Variants in SATL1 observed in about 807,000 individuals in gnomAD.
The protein encoded by SATL1 is spermidine/spermine N(1)-acetyltransferase-like protein 1.
In SATL1, 47 loss-of-function variants were observed where a neutral mutation model predicts 51.8. The observed-to-expected ratio is 0.91, with a 90% CI of 0.72 to 1.16. The LOEUF (loss-of-function observed/expected upper bound fraction) is 1.16, where lower values mean the gene tolerates loss of function less well. SATL1 is among the 50% of genes most tolerant of loss of function. SATL1 has a pLI of 0.00. For synonymous variants in SATL1, 176 were observed against 182.4 expected (o/e 0.97, Z 0.28); for missense variants, 520 against 526.4 (o/e 0.99, Z 0.12).
At chrX:85,096,184 A>G (rs923363885) in intron 4 of SATL1, among the ~76,000 whole-genome samples, 1 of 111,539 alleles carries the variant, frequency 9.0e-6, no homozygotes, top group African/African-American at 3.3e-5. Context: ...ATATATGTAA[A>G]CAAAATAATA....
At position 85,180,189 on chromosome X, in the gene SATL1, C is replaced by T. The variant is rs181413932; in HGVS notation, c.-313+44016G>A. Among the ~76,000 whole-genome samples, 4 of 111,341 alleles carry T rather than the reference C, an allele frequency of 3.6e-5. No individual in the cohort carries two copies. The Admixed American group carries it at 3.8e-4, about 11-fold the overall frequency. On this transcript the variant is annotated intron_variant, in intron 2 of 7. Coordinates refer to ENST00000644105, the MANE Select transcript of SATL1 (RefSeq NM_001367857.2). ...GCTTTTCTACCACGTTCAAAGCACTCTATTAGGTTGGGACAGAGTAGGCAG... is the reference window on the plus strand; with the variant it reads ...GCTTTTCTACCACGTTCAAAGCACTTTATTAGGTTGGGACAGAGTAGGCAG...
chrX:85,191,453 T>A (rs751930775), intron 2 of SATL1, among the ~76,000 whole-genome samples: 1 of 111,127 alleles, frequency 9.0e-6, no homozygotes, highest in Non-Finnish European at 1.9e-5. Context: ...AAATCCTCTT[T>A]TCTAGCTACA....
intron 2 of SATL1, among the ~76,000 whole-genome samples, chrX:85,195,046 A>G (rs1927526783): frequency 9.0e-6 from 1 of 110,506 alleles, no homozygotes; most frequent in Non-Finnish European, 1.9e-5. Flanking sequence ...ACATAAAAAG[A>G]CAACAGTTTT....
chrX:85,160,791 C>A (rs1443774410), intron 2 of SATL1, among the ~76,000 whole-genome samples: 2 of 111,399 alleles, frequency 1.8e-5, no homozygotes, highest in Non-Finnish European at 3.8e-5. Context: ...CTCAACCTAG[C>A]AAGAGAGGCT....
intron 1 of SATL1, among the ~76,000 whole-genome samples, chrX:85,233,456 A>G (rs746361692): frequency 3.6e-5 from 4 of 112,515 alleles, no homozygotes; most frequent in Non-Finnish European, 7.5e-5. Context: ...CGAGTGACCA[A>G]TTCCTGAGTG....
chrX:85,159,222 T>C (rs1232886245), intron 2 of SATL1, among the ~76,000 whole-genome samples: 1 of 111,851 alleles, frequency 8.9e-6, no homozygotes, highest in Non-Finnish European at 1.9e-5. Context: ...ATTTGCATGG[T>C]TAAATCACTA....
chrX:85,095,704 T>C (rs1051339210), intron 4 of SATL1, among the ~76,000 whole-genome samples: 1 of 104,269 alleles, frequency 9.6e-6, no homozygotes, highest in African/African-American at 3.5e-5. Context: ...CGCGCGCCTG[T>C]AGTCCCAGCT....
At chrX:85,180,129 T>C (rs2147739358) in intron 2 of SATL1, among the ~76,000 whole-genome samples, 1 of 111,306 alleles carries the variant, frequency 9.0e-6, no homozygotes, top group East Asian at 2.8e-4. Context: ...CAGGGTCAAA[T>C]GCTTTAGCGA....
At chrX:85,150,397 C>G (rs776204061) in intron 2 of SATL1, among the ~76,000 whole-genome samples, 2 of 109,669 alleles carry the variant, frequency 1.8e-5, no homozygotes, top group African/African-American at 6.6e-5. Context: ...CAAGGAGGAA[C>G]TGGTACCATT....
chrX:85,204,198 G>T (rs1927744094), intron 2 of SATL1, among the ~76,000 whole-genome samples: 1 of 111,700 alleles, frequency 9.0e-6, no homozygotes, highest in East Asian at 2.8e-4. Context: ...CAGTGGGGGA[G>T]GATCCCCTGG....
At chrX:85,102,679 C>T (rs1375968379) in intron 4 of SATL1, among the ~76,000 whole-genome samples, 1 of 111,340 alleles carries the variant, frequency 9.0e-6, no homozygotes, top group Non-Finnish European at 1.9e-5. Context: ...TACATATTAT[C>T]CTGAGCAGTA....
chrX:85,107,909 G>T lies in SATL1; in HGVS notation c.1060C>A (p.Arg354=), dbSNP rs374764586. 3 of 1,208,626 alleles carry T rather than the reference G, an allele frequency of 2.5e-6. No homozygotes were observed. In the Admixed American group the frequency reaches 6.6e-5, roughly 27 times the overall value. Residue 354 remains arginine (R), a synonymous_variant, in exon 3 of 8, where the codon CGA becomes AGA. Coordinates refer to ENST00000644105, the MANE Select transcript of SATL1 (RefSeq NM_001367857.2). ...CTGGGGCCTGATTGGCTTGGGGCTC[G>T]TTGCGGTGGACCTGGTTGGCTTATG... The part of the protein sequence containing the change: ...ASISQPGPPQ[R]APSQSGPRQS...
chrX:85,158,762 G>A (rs1229968945), intron 2 of SATL1, among the ~76,000 whole-genome samples: 3 of 111,360 alleles, frequency 2.7e-5, no homozygotes, highest in Admixed American at 9.6e-5. Context: ...ATGGATAAAT[G>A]CTCACTGAAA....
intron 2 of SATL1, among the ~76,000 whole-genome samples, chrX:85,190,923 C>T (rs750576851): frequency 1.7e-4 from 17 of 99,530 alleles, no homozygotes; most frequent in Non-Finnish European, 3.0e-4. Flanking sequence ...ACAATGAGAA[C>T]ACTTGGACAC....
At chrX:85,240,151 C>T (rs1928559387) in intron 1 of SATL1, among the ~76,000 whole-genome samples, 3 of 111,026 alleles carry the variant, frequency 2.7e-5, no homozygotes, top group Admixed American at 1.9e-4. Flanking sequence ...AAAAGATGGG[C>T]AAAGAACTTA....
chrX:85,187,762 T>C (rs1927344733), intron 2 of SATL1, among the ~76,000 whole-genome samples: 1 of 111,733 alleles, frequency 8.9e-6, no homozygotes, highest in African/African-American at 3.3e-5. Flanking sequence ...TCATCAGAAA[T>C]ATTGGCCTGT....
chrX:85,117,684 A>C (rs1159079451), intron 2 of SATL1: 2 of 111,682 alleles, frequency 1.8e-5, no homozygotes, highest in Non-Finnish European at 3.8e-5. Context: ...AAGAACTTGA[A>C]GTGCTTTAGA....
chrX:85,147,962 G>A (rs1362797586), intron 2 of SATL1, among the ~76,000 whole-genome samples: 2 of 112,286 alleles, frequency 1.8e-5, no homozygotes, highest in Non-Finnish European at 3.8e-5. Flanking sequence ...CAATGGAACA[G>A]AGTTGGACGG....
At chrX:85,102,428 A>T (rs759216488) in intron 4 of SATL1, among the ~76,000 whole-genome samples, 2 of 111,967 alleles carry the variant, frequency 1.8e-5, no homozygotes, top group Non-Finnish European at 3.8e-5. Context: ...TGAATTATAC[A>T]GTTACAAATA....
Sources: gnomAD v4.1 joint callset for allele counts (sites outside exome capture counted in the v4.1 genomes callset) on GRCh38, gnomAD v4.1.1 for gene constraint, MANE v1.5 for transcripts, NCBI Gene and HGNC (gene_info 2026-07-23, HGNC 2026-07-21) for gene names.